The following PRKCB variants were observed in gnomAD, a reference collection of about 807,000 sequenced individuals.
PRKCB encodes the protein protein kinase C beta.
A neutral mutation model predicts 81.5 loss-of-function variants in PRKCB; 13 were observed. The ratio of observed to expected loss-of-function variants is 0.16; its 90% CI spans 0.10 to 0.25. PRKCB has a LOEUF of 0.25. Among genes scored for constraint, PRKCB ranks in the 10% least tolerant of loss-of-function variants. PRKCB has a pLI of 1.00. For synonymous variants in PRKCB, 335 were observed against 321.4 expected (o/e 1.04, Z -0.45); for missense variants, 509 against 875.7 (o/e 0.58, Z 5.29).
chr16:24,165,189 C>T (rs959794843), intron 10 of PRKCB, among the ~76,000 whole-genome samples: 2 of 152,138 alleles, frequency 1.3e-5, no homozygotes, highest in Admixed American at 1.3e-4. Context: ...TACAGGTGTG[C>T]GCCACCATGC....
intron 2 of PRKCB, among the ~76,000 whole-genome samples, chr16:23,937,383 C>T (rs534876352): frequency 4.6e-5 from 7 of 152,300 alleles, no homozygotes; most frequent in South Asian, 2.1e-4. Context: ...ACAAAGTCTG[C>T]GACTGCCATG....
intron 9 of PRKCB, among the ~76,000 whole-genome samples, chr16:24,142,963 TC>T (rs980008879): frequency 1.3e-5 from 2 of 151,854 alleles, no homozygotes; most frequent in African/African-American, 4.8e-5. Context: ...GGTCGTGTGG[TC>T]CCCCGGAGGC....
intron 9 of PRKCB, among the ~76,000 whole-genome samples, chr16:24,125,378 G>A (rs916313378): frequency 1.3e-5 from 2 of 151,990 alleles, no homozygotes; most frequent in Non-Finnish European, 2.9e-5. Flanking sequence ...CTGTGCTCTG[G>A]CCACAACATC....
At chr16:23,941,743 T>C (rs182727398) in intron 2 of PRKCB, among the ~76,000 whole-genome samples, 29 of 152,306 alleles carry the variant, frequency 1.9e-4, no homozygotes, top group Admixed American at 3.9e-4. Flanking sequence ...AAAAGATACT[T>C]TTTCAGCATG....
At chr16:24,154,536 G>A (rs963925356) in intron 9 of PRKCB, 148 bp from the exon 10 acceptor site, 5 of 702,838 alleles carry the variant, frequency 7.1e-6, no homozygotes, top group Middle Eastern at 3.3e-4. Context: ...ATAAAAGTGT[G>A]AAGTCAATAG....
chr16:23,915,237 T>G (rs1284360090), intron 2 of PRKCB, among the ~76,000 whole-genome samples: 1 of 152,224 alleles, frequency 6.6e-6, no homozygotes, highest in Non-Finnish European at 1.5e-5. Flanking sequence ...TTTACAGCCC[T>G]GCCTTTTAAA....
chr16:24,173,595 A>G (rs191686035), intron 11 of PRKCB, among the ~76,000 whole-genome samples: 120 of 152,294 alleles, frequency 7.9e-4, no homozygotes, highest in Non-Finnish European at 1.2e-3. Flanking sequence ...TCTAACATCT[A>G]ATTGACCACA....
At position 24,092,894 on chromosome 16, in the gene PRKCB, G is replaced by A; in HGVS notation, c.633G>A (p.Lys211=). Residue 211 remains lysine, a synonymous_variant, in exon 6 of 17, where the codon AAG becomes AAA. Coordinates refer to ENST00000643927, the MANE Select transcript of PRKCB (RefSeq NM_002738.7). ...ATCCCAAAAGTGAGAGCAAACAGAA[G>A]ACCAAAACCATCAAATGCTCCCTCA... ...IPDPKSESKQ[K]TKTIKCSLNP... The A allele has an allele frequency of 3.1e-6, 5 of 1,614,076 alleles. No homozygotes were observed. The highest frequency in any genetic ancestry group is 4.2e-6 in the Non-Finnish European group (5 of 1,180,032).
chr16:24,182,375 G>A (rs545546584), intron 13 of PRKCB, among the ~76,000 whole-genome samples: 29 of 152,044 alleles, frequency 1.9e-4, no homozygotes, highest in Non-Finnish European at 4.0e-4. Context: ...TTAAAAATTC[G>A]CCAGGTGCAC....
intron 5 of PRKCB, among the ~76,000 whole-genome samples, chr16:24,051,216 C>A (rs983850146): frequency 2.0e-5 from 3 of 152,268 alleles, no homozygotes; most frequent in Middle Eastern, 3.4e-3. Context: ...GCAGAGGAAG[C>A]GGAAAGAAAA....
intron 13 of PRKCB, among the ~76,000 whole-genome samples, chr16:24,182,873 T>TTGTGTGTGTG (rs10524225): frequency 5.2e-4 from 70 of 133,608 alleles, no homozygotes; most frequent in African/African-American, 1.4e-3. Context: ...ACATTGTTTC[T>TTGTGTGTGTG]TGTGTGTGTG....
Position 23,889,126 on chromosome 16 carries a change from CCATCCATCCAT to C in PRKCB, c.205+51722_205+51732del, listed in dbSNP as rs1331579897. Among the ~76,000 whole-genome samples the C allele has an allele frequency of 9.4e-5, 4 of 42,486 alleles. No homozygotes were observed. The South Asian group carries it at 1.9e-3, about 20-fold the overall frequency. 27.9% of individuals were successfully genotyped at this position (42,486 alleles called of 152,430 possible). On this transcript the variant is annotated intron_variant, in intron 2 of 16. Coordinates refer to ENST00000643927, the MANE Select transcript of PRKCB (RefSeq NM_002738.7). The stretch of plus-strand genomic sequence containing the variant: ...CACAGCTGTTCACTCGTCCATCCAT[CCATCCATCCAT>C]CCATCCATCCATCCATCCATCCATC...
At chr16:23,864,256 A>C (rs12928700) in intron 2 of PRKCB, among the ~76,000 whole-genome samples, 114,161 of 152,120 alleles carry the variant, frequency 0.75, 43,213 homozygotes, top group East Asian at 0.95. Flanking sequence ...TTTCAGGCTT[A>C]TTGCTGTATT....
intron 9 of PRKCB, among the ~76,000 whole-genome samples, chr16:24,127,799 G>A (rs1448661078): frequency 6.6e-6 from 1 of 152,202 alleles, no homozygotes; most frequent in Non-Finnish European, 1.5e-5. Flanking sequence ...TGAAAGCAAA[G>A]TAGAATAACA....
chr16:24,077,736 C>A (rs1368132975), intron 5 of PRKCB, among the ~76,000 whole-genome samples: 1 of 152,202 alleles, frequency 6.6e-6, no homozygotes, highest in Admixed American at 6.5e-5. Context: ...CTCCCTTCAT[C>A]CCTGAACAAC....
At chr16:23,929,545 A>T (rs1963942762) in intron 2 of PRKCB, among the ~76,000 whole-genome samples, 1 of 152,108 alleles carries the variant, frequency 6.6e-6, no homozygotes, top group South Asian at 2.1e-4. Context: ...AGTGTCTGGA[A>T]TTCAGCGACC....
At chr16:24,027,948 A>G (rs1965503420) in intron 3 of PRKCB, among the ~76,000 whole-genome samples, 1 of 151,940 alleles carries the variant, frequency 6.6e-6, no homozygotes, top group African/African-American at 2.4e-5. Flanking sequence ...ATACATATAT[A>G]TAGTAGAGAC....
intron 2 of PRKCB, among the ~76,000 whole-genome samples, chr16:23,954,859 C>T (rs963624558): frequency 6.6e-6 from 1 of 152,174 alleles, no homozygotes; most frequent in African/African-American, 2.4e-5. Context: ...TGAGAACAGT[C>T]TGGACAACAC....
rs531910528 is a variant in PRKCB at position 23,844,918 on chromosome 16, C to A, written c.205+7512C>A. Among the ~76,000 whole-genome samples the A allele has an allele frequency of 2.6e-5, 4 of 152,202 alleles. No individual in the cohort carries two copies. The East Asian group carries it at 7.7e-4, about 29-fold the overall frequency. On this transcript the variant is annotated intron_variant, in intron 2 of 16. Coordinates refer to ENST00000643927, the MANE Select transcript of PRKCB (RefSeq NM_002738.7). ...CCAGGTTCAAGTGATTCTCCTGCCT[C>A]AGCCTCCCAAGTAGCTGCGATTACA...
Sources: allele counts gnomAD v4.1 joint callset (sites outside exome capture counted in the v4.1 genomes callset), GRCh38; gene constraint gnomAD v4.1.1; transcripts MANE v1.5; gene names NCBI Gene and HGNC (gene_info 2026-07-23, HGNC 2026-07-21).